The following LRMDA variants were observed in gnomAD, a reference collection of about 807,000 sequenced individuals.
LRMDA encodes leucine rich melanocyte differentiation associated.
A neutral mutation model predicts 29.8 loss-of-function variants in LRMDA; 18 were observed. The ratio of observed to expected loss-of-function variants is 0.60; its 90% confidence interval spans 0.42 to 0.90. LRMDA has a LOEUF of 0.90. Ranked by LOEUF, LRMDA falls within the 40% of genes least tolerant of loss-of-function variation. The probability of loss-of-function intolerance (pLI) is 0.00; values close to 1 mark genes in which losing one functional copy is unlikely to be tolerated. For missense variants in LRMDA, 273 were observed against 273.9 expected, an observed-to-expected ratio of 1.00 and a Z score of 0.02; for synonymous variants, 125 against 109.4, an observed-to-expected ratio of 1.14 and a Z score of -0.89.
chr10:76,453,592 C>G (rs1046588639), intron 6 of LRMDA, among the ~76,000 whole-genome samples: 1 of 152,158 alleles, frequency 6.6e-6, no homozygotes, highest in South Asian at 2.1e-4. Flanking sequence ...ATGAATAAAT[C>G]ATGCAGGATG....
chr10:76,473,977 T>C (rs937400196), intron 6 of LRMDA, among the ~76,000 whole-genome samples: 1 of 151,596 alleles, frequency 6.6e-6, no homozygotes, highest in African/African-American at 2.4e-5. Context: ...AAAGCTACAA[T>C]AATCAAGACA....
intron 5 of LRMDA, among the ~76,000 whole-genome samples, chr10:76,203,166 G>T: frequency 6.6e-6 from 1 of 152,168 alleles, no homozygotes; most frequent in East Asian, 1.9e-4. Flanking sequence ...GGACATTTTG[G>T]AGTCCCAACT....
chr10:76,057,430 C>A (rs1033392147), intron 4 of LRMDA, among the ~76,000 whole-genome samples: 1 of 152,164 alleles, frequency 6.6e-6, no homozygotes, highest in Non-Finnish European at 1.5e-5. Flanking sequence ...TGCCAGTTTT[C>A]AAGATGTGGT....
chr10:76,357,787 T>G (rs1470318857), intron 6 of LRMDA, among the ~76,000 whole-genome samples: 1 of 152,184 alleles, frequency 6.6e-6, no homozygotes, highest in Non-Finnish European at 1.5e-5. Context: ...TCGTCTCCAG[T>G]CTCCCTTTAG....
At chr10:76,464,368 G>A (rs976599032) in intron 6 of LRMDA, among the ~76,000 whole-genome samples, 9 of 152,104 alleles carry the variant, frequency 5.9e-5, no homozygotes, top group African/African-American at 1.9e-4. Context: ...ATGAGTGGAC[G>A]AGTGGCGAGA....
At chr10:75,469,828 AG>A (rs887498655) in intron 2 of LRMDA, among the ~76,000 whole-genome samples, 3 of 152,220 alleles carry the variant, frequency 2.0e-5, no homozygotes, top group African/African-American at 7.2e-5. Context: ...TTCTGGGCCT[AG>A]GAACCATAGT....
Position 75,794,483 on chromosome 10 carries a change from G to GTAGA in LRMDA, c.132-241523_132-241520dup, listed in dbSNP as rs1843619645. Reference sequence around the variant, plus strand: ...AACTGCCAGATCCTGGAGGGGGTGGGTAGATGTAGGTTTAAATTTATGAAA... The same window carrying GTAGA: ...AACTGCCAGATCCTGGAGGGGGTGGGTAGATAGATGTAGGTTTAAATTTATGAAA... On this transcript the variant is annotated intron_variant, in intron 2 of 6. Coordinates refer to ENST00000611255, the MANE Select transcript of LRMDA (RefSeq NM_001305581.2). Among the ~76,000 whole-genome samples the GTAGA allele has an allele frequency of 2.6e-5, 4 of 152,170 alleles. No homozygotes were observed. The South Asian group carries it at 8.3e-4, about 32-fold the overall frequency.
chr10:75,785,028 A>G (rs991248560), intron 2 of LRMDA, among the ~76,000 whole-genome samples: 1 of 152,168 alleles, frequency 6.6e-6, no homozygotes, highest in Admixed American at 6.5e-5. Context: ...GTCCACGTCA[A>G]TCGCTGCTTG....
At chr10:75,844,679 C>A (rs1844602813) in intron 2 of LRMDA, among the ~76,000 whole-genome samples, 1 of 152,182 alleles carries the variant, frequency 6.6e-6, no homozygotes, top group Admixed American at 6.5e-5. Flanking sequence ...TTAGGTCGCA[C>A]TACTCTCCTA....
At chr10:76,004,883 A>G (rs1190704876) in intron 2 of LRMDA, among the ~76,000 whole-genome samples, 2 of 151,896 alleles carry the variant, frequency 1.3e-5, no homozygotes, top group African/African-American at 2.4e-5. Context: ...GCCTGCCACC[A>G]CACCTGGTTA....
At chr10:75,721,845 A>G (rs1842571382) in intron 2 of LRMDA, among the ~76,000 whole-genome samples, 1 of 152,212 alleles carries the variant, frequency 6.6e-6, no homozygotes, top group South Asian at 2.1e-4. Flanking sequence ...CACACACTCT[A>G]TAGGGATCCT....
chr10:75,625,130 C>T (rs965985411), intron 2 of LRMDA, among the ~76,000 whole-genome samples: 9 of 152,176 alleles, frequency 5.9e-5, no homozygotes, highest in African/African-American at 2.2e-4. Context: ...AGTGGGACTG[C>T]TGCTGAGTTG....
chr10:76,140,074 A>C (rs1468541660), intron 5 of LRMDA, among the ~76,000 whole-genome samples: 1 of 152,116 alleles, frequency 6.6e-6, no homozygotes, highest in Non-Finnish European at 1.5e-5. Context: ...TTCCAATCTG[A>C]GCCAGTCTCC....
intron 5 of LRMDA, among the ~76,000 whole-genome samples, chr10:76,083,361 T>C (rs1849077983): frequency 6.6e-6 from 1 of 152,172 alleles, no homozygotes; most frequent in Non-Finnish European, 1.5e-5. Context: ...AGTCAAGACT[T>C]TACTGCCTCC....
chr10:76,200,150 G>C (rs1305040846), intron 5 of LRMDA, among the ~76,000 whole-genome samples: 1 of 152,006 alleles, frequency 6.6e-6, no homozygotes, highest in African/African-American at 2.4e-5. Flanking sequence ...TTTTAGTAGA[G>C]ATGATGTTTC....
intron 6 of LRMDA, among the ~76,000 whole-genome samples, chr10:76,360,651 A>G (rs998990114): frequency 6.6e-6 from 1 of 152,200 alleles, no homozygotes; most frequent in East Asian, 1.9e-4. Context: ...TCAGTATTAT[A>G]TTCTTACATT....
chr10:76,421,139 T>G (rs2132520618), intron 6 of LRMDA, among the ~76,000 whole-genome samples: 1 of 152,328 alleles, frequency 6.6e-6, no homozygotes, highest in Non-Finnish European at 1.5e-5. Context: ...AACCTCCCAC[T>G]ATGATTGTGA....
chr10:76,410,587 G>T (rs576002086), intron 6 of LRMDA, among the ~76,000 whole-genome samples: 2 of 151,996 alleles, frequency 1.3e-5, no homozygotes, highest in Non-Finnish European at 2.9e-5. Context: ...GGGATTATAG[G>T]CATGAGCCAC....
chr10:76,078,230 C>T (rs965677713), intron 5 of LRMDA, among the ~76,000 whole-genome samples: 5 of 151,382 alleles, frequency 3.3e-5, no homozygotes, highest in African/African-American at 7.3e-5. Flanking sequence ...AGGATGGTCT[C>T]GATCTCCTGA....
Sources: gnomAD v4.1 joint callset for allele counts (sites outside exome capture counted in the v4.1 genomes callset) on GRCh38, gnomAD v4.1.1 for gene constraint, MANE v1.5 for transcripts, NCBI Gene and HGNC (gene_info 2026-07-23, HGNC 2026-07-21) for gene names.